The following CAD variants were observed in gnomAD, a reference collection of about 807,000 sequenced individuals.
The protein encoded by CAD is carbamoyl-phosphate synthetase 2, aspartate transcarbamylase, and dihydroorotase.
CAD carries 81 observed loss-of-function variants against 237.2 expected under a neutral mutation model. That is an observed-to-expected ratio of 0.34 (90% CI 0.29 to 0.41). CAD has a LOEUF of 0.41. CAD is among the 10% of genes least tolerant of loss of function. CAD has a pLI of 1.00. For synonymous variants in CAD, 1,196 were observed against 1,162.8 expected (o/e 1.03, Z -0.58); for missense variants, 2,181 against 2,951.7 (o/e 0.74, Z 6.05).
intron 22 of CAD, 47 bp from the exon 23 acceptor site, chr2:27,234,471 C>G: frequency 1.3e-6 from 2 of 1,588,810 alleles, no homozygotes; most frequent in South Asian, 2.3e-5. Flanking sequence ...TAGATAGTGT[C>G]AGCAAGGCCA....
In CAD at chr2:27,236,469, T is replaced by G; in HGVS notation, c.4260T>G (p.Ala1420=). The change falls in exon 26 of 44, where the codon GCT becomes GCG. Residue 1420 remains alanine, a synonymous_variant. Coordinates refer to ENST00000264705, the MANE Select transcript of CAD (RefSeq NM_004341.5). The surrounding 1 kb of genome is among the most constrained non-coding windows in gnomAD (Gnocchi z 4.1). ...GCTACCGCACCCGACGCTTGGCCGC[T>G]GACTTCTCCGTGCCCCTAATCATCG... ...TKGYRTRRLA[A]DFSVPLIIDI... 3 of 1,613,948 alleles carry G rather than the reference T, an allele frequency of 1.9e-6. No individual in the cohort carries two copies. The highest frequency in any genetic ancestry group is 2.5e-6 in the Non-Finnish European group (3 of 1,180,048).
At chr2:27,229,465 A>AG (rs1675614749) in intron 15 of CAD, among the ~76,000 whole-genome samples, 1 of 151,704 alleles carries the variant, frequency 6.6e-6, no homozygotes, top group East Asian at 1.9e-4. Flanking sequence ...GTAGAGAGGG[A>AG]GGTCTCACTA....
At chr2:27,223,400 C>CA (rs1675274290) in intron 6 of CAD, among the ~76,000 whole-genome samples, 163 bp from the exon 7 acceptor site, 1 of 149,072 alleles carries the variant, frequency 6.7e-6, no homozygotes, top group Admixed American at 6.7e-5. Flanking sequence ...CATTGCCCTC[C>CA]AGCCCGGGAA....
chr2:27,222,303 T>C lies in CAD; in HGVS notation c.462T>C (p.Asn154=). The change falls in exon 4 of 44, where the codon AAT becomes AAC. Residue 154 remains asparagine, a synonymous_variant. Transcript: ENST00000264705. Reference sequence around the variant, plus strand: ...CATCCCTGCCATTCTTGGACCCCAATGCCCGCCCCCTGGTACCAGAGGTCT... The same window carrying C: ...CATCCCTGCCATTCTTGGACCCCAACGCCCGCCCCCTGGTACCAGAGGTCT... ...EPSSLPFLDP[N]ARPLVPEVSI... 1 of 1,613,266 alleles carries C rather than the reference T, an allele frequency of 6.2e-7. No individual in the cohort carries two copies. The highest frequency in any genetic ancestry group is 8.5e-7 in the Non-Finnish European group (1 of 1,179,340).
Position 27,232,919 on chromosome 2 carries a change from C to T in CAD, c.2893-123C>T. The T allele has an allele frequency of 1.2e-6, 1 of 818,348 alleles. No individual in the cohort carries two copies. The highest frequency in any genetic ancestry group is 2.2e-4 in the Middle Eastern group (1 of 4,460). 50.7% of individuals were successfully genotyped at this position (818,348 alleles called of 1,614,324 possible). A position where few individuals can be genotyped will look rare whatever the true frequency, so the allele number is the denominator to read the frequency against. On this transcript the variant is annotated intron_variant, in intron 18 of 43. Coordinates refer to ENST00000264705, the MANE Select transcript of CAD (RefSeq NM_004341.5). This position sits in a 1 kb window ranked among gnomAD's most constrained non-coding sequence, Gnocchi z 4.1. ...CTCCCAAGGCAGGGGTCCTGTACAGCTCTTTCAGAGGAAGCTGTGCTGGCA... is the reference window on the plus strand; with the variant it reads ...CTCCCAAGGCAGGGGTCCTGTACAGTTCTTTCAGAGGAAGCTGTGCTGGCA...
At chr2:27,226,360 C>T (rs754670438) in intron 13 of CAD, 41 bp downstream of exon 13, 3 of 1,592,384 alleles carry the variant, frequency 1.9e-6, no homozygotes, top group Non-Finnish European at 2.6e-6. Flanking sequence ...AGTTGTTACC[C>T]CCTCTTCTTG....
chr2:27,243,096 G>A, intron 42 of CAD, 102 bp from the exon 43 acceptor site: 1 of 1,343,434 alleles, frequency 7.4e-7, no homozygotes, highest in South Asian at 1.2e-5. Context: ...AATTGCCATA[G>A]CTGCATGTGG....
chr2:27,226,846 G>C lies in CAD; in HGVS notation c.2171G>C (p.Gly724Ala), dbSNP rs777961046. The C allele has an allele frequency of 6.2e-7, 1 of 1,614,172 alleles. No homozygotes were observed. ...PLPELRNSVT[G>A]GTAAFEPSVD... ...CTGGACCCCAGGAACTCTGTGACAG[G>C]GGGTACAGCAGCCTTTGAACCCAGC... Residue 724 changes from glycine to alanine, a missense_variant, in exon 15 of 44, where the codon GGG becomes GCG. Physicochemically the swap from Gly to Ala is moderately conservative, Grantham distance 60. Around this residue, in one of 12 missense-constraint regions of CAD, gnomAD observed 385 missense variants for 535.1 expected, o/e 0.72. Transcript: ENST00000264705.
Position 27,231,587 on chromosome 2 carries a change from A to G in CAD, c.2400+7A>G. On this transcript the variant is annotated splice_region_variant and intron_variant, in intron 16 of 43. Coordinates refer to ENST00000264705, the MANE Select transcript of CAD (RefSeq NM_004341.5). ...GAAACCAGTCAGCGATATGGTAAGTAGCTCCCCTCCCCTGGCAATACCCCT... is the reference window on the plus strand; with the variant it reads ...GAAACCAGTCAGCGATATGGTAAGTGGCTCCCCTCCCCTGGCAATACCCCT... The G allele has an allele frequency of 1.9e-6, 3 of 1,563,678 alleles. No individual in the cohort carries two copies. Among genetic ancestry groups the G allele is most frequent in the South Asian group, 2.2e-5 (2 of 90,024 alleles).
At chr2:27,224,079 C>T in intron 8 of CAD, 50 bp downstream of exon 8, 1 of 1,343,300 alleles carries the variant, frequency 7.4e-7, no homozygotes, top group Non-Finnish European at 1.1e-6. Context: ...AGGGTTGGCT[C>T]CAGGATGGGC....
At position 27,241,463 on chromosome 2, in the gene CAD, C is replaced by A; in HGVS notation, c.5883+67C>A. ...CCCTTGGGCCGCATCAGCGCAGGGC[C>A]GCGCAGTGGTCAGAGTGGGTCTTCC... On this transcript the variant is annotated intron_variant, in intron 38 of 43. Transcript: ENST00000264705. This position sits in a 1 kb window ranked among gnomAD's most constrained non-coding sequence, Gnocchi z 4.6. 3 of 1,484,230 alleles carry A rather than the reference C, an allele frequency of 2.0e-6. No individual in the cohort carries two copies. Among genetic ancestry groups the A allele is most frequent in the South Asian group, 1.1e-5 (1 of 88,232 alleles). 91.9% of individuals were successfully genotyped at this position (1,484,230 alleles called of 1,614,324 possible).
chr2:27,240,458 A>C lies in CAD; in HGVS notation c.5593+97A>C. On this transcript the variant is annotated intron_variant, in intron 35 of 43. Coordinates refer to ENST00000264705, the MANE Select transcript of CAD (RefSeq NM_004341.5). This position sits in a 1 kb window ranked among gnomAD's most constrained non-coding sequence, Gnocchi z 4.6. ...TCTCTACTTACATGTCCTCCTCTCC[A>C]TCCCTTTATCCTCGTCTGATCTGCC... is the stretch of plus-strand genomic sequence containing the variant. 1 of 1,468,612 alleles carries C rather than the reference A, an allele frequency of 6.8e-7. No homozygotes were observed. The highest frequency in any genetic ancestry group is 9.5e-7 in the Non-Finnish European group (1 of 1,051,506). 91.0% of individuals were successfully genotyped at this position (1,468,612 alleles called of 1,614,324 possible). A position where few individuals can be genotyped will look rare whatever the true frequency, so the allele number is the denominator to read the frequency against.
chr2:27,226,003 CT>C (rs1274972612), intron 12 of CAD, 77 bp downstream of exon 12: 2 of 1,521,282 alleles, frequency 1.3e-6, no homozygotes, highest in African/African-American at 2.7e-5. Context: ...AGGCCAAGGT[CT>C]TTGAGAGTTG....
In CAD at chr2:27,223,842, C is replaced by G. The variant is rs1169530933; in HGVS notation, c.996-75C>G. The G allele has an allele frequency of 3.9e-6, 6 of 1,534,818 alleles. No homozygotes were observed. The East Asian group carries it at 6.7e-5, about 17-fold the overall frequency. ...ACGGCAGTGGATCCGAGTCCCCTGT[C>G]CCACTACCCACCTCGAGGCTGCCAG... On this transcript the variant is annotated intron_variant, in intron 7 of 43. Transcript: ENST00000264705.
Position 27,243,411 on chromosome 2 carries a change from T to C in CAD, c.6576-5T>C, listed in dbSNP as rs777480937. 1.1e-5 allele frequency: 16 copies of C among 1,444,550 alleles called. No individual in the cohort carries two copies. In the African/African-American group the frequency reaches 1.4e-4, roughly 12 times the overall value. 89.5% of individuals were successfully genotyped at this position (1,444,550 alleles called of 1,614,324 possible). A position where few individuals can be genotyped will look rare whatever the true frequency, so the allele number is the denominator to read the frequency against. On this transcript the variant is annotated splice_region_variant and splice_polypyrimidine_tract_variant and intron_variant, in intron 43 of 43. Coordinates refer to ENST00000264705, the MANE Select transcript of CAD (RefSeq NM_004341.5). The stretch of plus-strand genomic sequence containing the variant: ...CTTCCTTTTTTTTTTTTTTTTTTTT[T>C]GCAGCGTGGAAGTGGACTCGGATCC...
chr2:27,226,419 G>T, intron 13 of CAD, 100 bp downstream of exon 13: 1 of 1,543,480 alleles, frequency 6.5e-7, no homozygotes, highest in Admixed American at 1.7e-5. Flanking sequence ...TACAGTCCCT[G>T]GAGTACAAGC....
rs948112061 is a variant in CAD, at chr2:27,217,397, C to A, written c.-155C>A. 7.4e-6 allele frequency: 5 copies of A among 679,032 alleles called. No individual in the cohort carries two copies. Among genetic ancestry groups the A allele is most frequent in the Non-Finnish European group, 5.2e-6 (2 of 384,008 alleles). The allele number at this position is 679,032 out of a possible 1,614,324, so 42.1% of individuals were successfully genotyped here. A position where few individuals can be genotyped will look rare whatever the true frequency, so the allele number is the denominator to read the frequency against. ...CTCTGCTGCTGCCGCCAAGCGCGCCCGAGGCTCCTACGCTGCCGCGCCCGG... is the reference window on the plus strand; with the variant it reads ...CTCTGCTGCTGCCGCCAAGCGCGCCAGAGGCTCCTACGCTGCCGCGCCCGG... On this transcript the variant is annotated 5_prime_UTR_variant, in exon 1 of 44. Coordinates refer to ENST00000264705, the MANE Select transcript of CAD (RefSeq NM_004341.5).
At chr2:27,238,665 A>G (rs772056768) in intron 31 of CAD, 33 bp downstream of exon 31, 10 of 1,571,170 alleles carry the variant, frequency 6.4e-6, no homozygotes, top group Non-Finnish European at 8.7e-6. Flanking sequence ...TCCTCTGCCC[A>G]GTGGGGCTTG....
chr2:27,239,747 G>T lies in CAD; in HGVS notation c.5445G>T (p.Gly1815=). Residue 1815 remains glycine (G), a synonymous_variant, in exon 34 of 44, where the codon GGG becomes GGT. Coordinates refer to ENST00000264705, the MANE Select transcript of CAD (RefSeq NM_004341.5). This position sits in a 1 kb window ranked among gnomAD's most constrained non-coding sequence, Gnocchi z 4.0. ...YGQDVRKWPQ[G]AVPQLPPSAP... The stretch of plus-strand genomic sequence containing the variant: ...AGGATGTACGGAAGTGGCCACAGGG[G>T]GCTGTTCCTCAGCTCCCACCCTCAG... 4.4e-6 allele frequency: 7 copies of T among 1,592,504 alleles called. No individual in the cohort carries two copies. Among genetic ancestry groups the T allele is most frequent in the Non-Finnish European group, 6.0e-6 (7 of 1,168,810 alleles).
Sources: gnomAD v4.1 joint callset for allele counts (sites outside exome capture counted in the v4.1 genomes callset) on GRCh38, gnomAD v4.1.1 for gene constraint, gnomAD v4.1.1 regional missense constraint, Gnocchi (gnomAD v3.1) non-coding constraint, MANE v1.5 for transcripts, NCBI Gene and HGNC (gene_info 2026-07-23, HGNC 2026-07-21) for gene names.